The following LIG1 variants were observed in gnomAD, a reference collection of about 807,000 sequenced individuals.
LIG1 encodes the protein ligase I, DNA, ATP-dependent.
LIG1 carries 70 observed loss-of-function variants against 115.7 expected under a neutral mutation model. The observed-to-expected ratio is 0.60, with a 90% CI of 0.50 to 0.74. The LOEUF is 0.74. LIG1 is among the 30% of genes least tolerant of loss of function. The probability of loss-of-function intolerance (pLI) is 0.00; values close to 1 mark genes in which losing one functional copy is unlikely to be tolerated. For synonymous variants in LIG1, 487 were observed against 495.3 expected (o/e 0.98, Z 0.22); for missense variants, 1,115 against 1,225.6 (o/e 0.91, Z 1.35).
At chr19:48,163,260 GCC>G (rs1226563707) in intron 2 of LIG1, among the ~76,000 whole-genome samples, 7 of 146,522 alleles carry the variant, frequency 4.8e-5, no homozygotes, top group South Asian at 4.4e-4. Context: ...CACTCTTGTT[GCC>G]CAAGGGTGGA....
chr19:48,127,354 T>C lies in LIG1; in HGVS notation c.1933-6A>G, dbSNP rs750192250. On this transcript the variant is annotated splice_polypyrimidine_tract_variant and splice_region_variant and intron_variant, in intron 20 of 27. Transcript: ENST00000263274. ...ATCTCAGACGCATCCACCTCCTGGG[T>C]TGGGGCACAACGGAGTTCGTGAGTG... The C allele has an allele frequency of 1.2e-6, 2 of 1,612,310 alleles. No homozygotes were observed. The highest frequency in any genetic ancestry group is 1.7e-6 in the Non-Finnish European group (2 of 1,179,912).
rs2035462280 is a variant in LIG1, at chr19:48,151,354, A to G, written c.467-15T>C. 6.5e-6 allele frequency: 10 copies of G among 1,549,928 alleles called. No homozygotes were observed. Among genetic ancestry groups the G allele is most frequent in the Non-Finnish European group, 8.9e-6 (10 of 1,121,622 alleles). On this transcript the variant is annotated splice_polypyrimidine_tract_variant and intron_variant, in intron 6 of 27. Transcript: ENST00000263274. The stretch of plus-strand genomic sequence containing the variant: ...GGTCTCCTCTTCTGACGATAGACAG[A>G]ACGGTCAGATGGCAAAAAAATCCCA...
At chr19:48,134,824 A>C (rs1323133753) in intron 16 of LIG1, among the ~76,000 whole-genome samples, 1 of 152,236 alleles carries the variant, frequency 6.6e-6, no homozygotes, top group East Asian at 1.9e-4. Context: ...CTCAGCACCC[A>C]GTGGGGGGCC....
chr19:48,117,228 C>T lies in LIG1; in HGVS notation c.2583+410G>A, dbSNP rs1012624075. Among the ~76,000 whole-genome samples, 224 of 150,472 alleles carry T rather than the reference C, an allele frequency of 1.5e-3. 1 individual carries two copies. The highest frequency in any genetic ancestry group is 5.2e-3 in the African/African-American group (211 of 40,922). ...AGGATGGAGTACAGTGGTGTGATCT[C>T]GGCTCACTGCAACCTCCGCCTCCCA... On this transcript the variant is annotated intron_variant, in intron 26 of 27. Coordinates refer to ENST00000263274, the MANE Select transcript of LIG1 (RefSeq NM_000234.3).
intron 4 of LIG1, among the ~76,000 whole-genome samples, chr19:48,159,069 G>A (rs185899159): frequency 3.4e-5 from 5 of 147,782 alleles, no homozygotes; most frequent in Admixed American, 6.9e-5. Context: ...TGGAGATACA[G>A]GTCTCAGATA....
At chr19:48,169,773 C>G (rs1361054367) in intron 1 of LIG1, 1 of 155,460 alleles carries the variant, frequency 6.4e-6, no homozygotes, top group Admixed American at 6.6e-5. Context: ...TGGCACCTCC[C>G]CCTTCCAGGT....
In LIG1 at chr19:48,137,610, G is replaced by A. The variant is rs138830398; in HGVS notation, c.1166C>T (p.Thr389Ile). The change falls in exon 13 of 28, where the codon ACC (threonine) becomes ATC (isoleucine). Residue 389 changes from threonine to isoleucine, a missense_variant. Physicochemically the swap from Thr to Ile is moderately conservative, Grantham distance 89. Transcript: ENST00000263274. This position sits in a 1 kb window ranked among gnomAD's most constrained non-coding sequence, Gnocchi z 4.3. ...VGLVAENSRSTQRLMLPPPPL... is the reference protein window; with the variant it reads ...VGLVAENSRSIQRLMLPPPPL... ...AGGTGGTGGCAGCATGAGCCTCTGG[G>A]TGCTGCGGCTGTTCTCGGCCACCAG... 3.1e-6 allele frequency: 5 copies of A among 1,612,668 alleles called. No homozygotes were observed. The African/African-American group carries it at 5.3e-5, about 17-fold the overall frequency.
intron 21 of LIG1, among the ~76,000 whole-genome samples, chr19:48,125,771 C>G (rs989188864): frequency 6.6e-6 from 1 of 151,798 alleles, no homozygotes; most frequent in Non-Finnish European, 1.5e-5. Context: ...GGGCAGATCA[C>G]GATGTCAGGA....
chr19:48,166,411 A>T (rs1274376271), intron 1 of LIG1, among the ~76,000 whole-genome samples: 1 of 152,140 alleles, frequency 6.6e-6, no homozygotes, highest in Non-Finnish European at 1.5e-5. Flanking sequence ...CAAAAACAAA[A>T]GAAAGACTAT....
chr19:48,145,460 C>G (rs533667566), intron 9 of LIG1, among the ~76,000 whole-genome samples: 1 of 152,282 alleles, frequency 6.6e-6, no homozygotes, highest in East Asian at 1.9e-4. Context: ...CTCCCCAGCC[C>G]CAGGCCTACA....
At position 48,137,736 on chromosome 19, in the gene LIG1, T is replaced by C. The variant is rs1444001762; in HGVS notation, c.1088-48A>G. 1.3e-6 allele frequency: 2 copies of C among 1,594,558 alleles called. No individual in the cohort carries two copies. Among genetic ancestry groups the C allele is most frequent in the Non-Finnish European group, 1.7e-6 (2 of 1,176,484 alleles). On this transcript the variant is annotated intron_variant, in intron 12 of 27. Transcript: ENST00000263274. The surrounding 1 kb of genome is among the most constrained non-coding windows in gnomAD (Gnocchi z 4.3). ...GGGTGTCGAGGGTGACAGTTGTGGC[T>C]GCGTGTCTCCCTTCTCTCGCGGCCT...
At chr19:48,133,314 CGCA>C (rs1275656070) in intron 17 of LIG1, 3 of 578,692 alleles carry the variant, frequency 5.2e-6, no homozygotes, top group Middle Eastern at 4.4e-4. Context: ...TTGGAACCCA[CGCA>C]GCATGTGCAA....
chr19:48,153,792 ACCTTCCTCCTCCTCCTTCCTCTTGGCTT>A, intron 6 of LIG1, 52 bp downstream of exon 6: 1 of 249,726 alleles, frequency 4.0e-6, no homozygotes, highest in Non-Finnish European at 7.3e-6. Flanking sequence ...CTGGGGGCTC[ACCTTCCTCCTCCTCCTTCCTCTTGGCTT>A]CACACACACA....
At position 48,121,271 on chromosome 19, in the gene LIG1, T is replaced by G; in HGVS notation, c.2284A>C (p.Ile762Leu). 6.2e-7 allele frequency: 1 copy of G among 1,613,494 alleles called. No individual in the cohort carries two copies. The highest frequency in any genetic ancestry group is 1.1e-5 in the South Asian group (1 of 91,028). Residue 762 changes from isoleucine (I) to leucine (L), a missense_variant, in exon 24 of 28, where the codon ATC becomes CTC. Coordinates refer to ENST00000263274, the MANE Select transcript of LIG1 (RefSeq NM_000234.3). ...TTCCCCCGGCCCAGGTAGGCGCCGA[T>G]CACCACCAGGTCCAGGGTGTCACCC... ...GVGDTLDLVV[I>L]GAYLGRGKRA... is the part of the protein sequence containing the mutation.
intron 19 of LIG1, among the ~76,000 whole-genome samples, chr19:48,129,233 A>G (rs905268844): frequency 6.6e-6 from 1 of 151,512 alleles, no homozygotes; most frequent in African/African-American, 2.4e-5. Flanking sequence ...CTGTATTTTT[A>G]GTAGTCAGGG....
Position 48,170,320 on chromosome 19 carries a change from C to A in LIG1, c.-137G>T, listed in dbSNP as rs753591647. ...GCGCCTCTGCAGTCCCAAGTTCGCG[C>A]CACGGCATTCGCGCGCAGACGTCTG... On this transcript the variant is annotated 5_prime_UTR_variant, in exon 1 of 28. Coordinates refer to ENST00000263274, the MANE Select transcript of LIG1 (RefSeq NM_000234.3). 2.2e-6 allele frequency: 1 copy of A among 446,684 alleles called. No individual in the cohort carries two copies. The highest frequency in any genetic ancestry group is 1.6e-5 in the South Asian group (1 of 63,864). 27.7% of individuals were successfully genotyped at this position (446,684 alleles called of 1,614,324 possible).
intron 9 of LIG1, among the ~76,000 whole-genome samples, chr19:48,146,788 G>A (rs567744390): frequency 3.9e-5 from 6 of 152,136 alleles, no homozygotes; most frequent in Non-Finnish European, 7.4e-5. Context: ...ACACAAACAC[G>A]GACACACACT....
rs544696964 is a variant in LIG1 at position 48,115,466 on chromosome 19, T to C, written c.*183A>G. On this transcript the variant is annotated 3_prime_UTR_variant, in exon 28 of 28. Coordinates refer to ENST00000263274, the MANE Select transcript of LIG1 (RefSeq NM_000234.3). ...AAAGTAGCTATCCAATAATTATTTA[T>C]TGAAAGAAATGACGGGATGAATCCC... is the stretch of plus-strand genomic sequence containing the variant. The C allele has an allele frequency of 5.6e-5, 35 of 621,114 alleles. No homozygotes were observed. In the South Asian group the frequency reaches 6.4e-4, roughly 11 times the overall value. The allele number at this position is 621,114 out of a possible 1,614,324, so 38.5% of individuals were successfully genotyped here. A position where few individuals can be genotyped will look rare whatever the true frequency, so the allele number is the denominator to read the frequency against.
chr19:48,154,533 C>T (rs1252423053), intron 5 of LIG1: 1 of 190,500 alleles, frequency 5.2e-6, no homozygotes, highest in Non-Finnish European at 1.1e-5. Context: ...CCCAACAGCA[C>T]ATCCTGTGTT....
Sources: gnomAD v4.1 joint callset for allele counts (sites outside exome capture counted in the v4.1 genomes callset) on GRCh38, gnomAD v4.1.1 for gene constraint, Gnocchi (gnomAD v3.1) non-coding constraint, MANE v1.5 for transcripts, NCBI Gene and HGNC (gene_info 2026-07-23, HGNC 2026-07-21) for gene names.